The following SUN1 variants were observed in gnomAD, a reference collection of about 807,000 sequenced individuals.
The protein encoded by SUN1 is SUN domain-containing protein 1.
In SUN1, 61 loss-of-function variants were observed where a neutral mutation model predicts 103.2. That is an observed-to-expected ratio of 0.59 (90% CI 0.48 to 0.73). SUN1 has a LOEUF of 0.73. Ranked by LOEUF, SUN1 falls within the 30% of genes least tolerant of loss-of-function variation. SUN1 has a pLI of 0.00. For synonymous variants in SUN1, 490 were observed against 425.7 expected (o/e 1.15, Z -1.86); for missense variants, 1,052 against 1,034.6 (o/e 1.02, Z -0.23).
rs775564962 is a variant in SUN1, at chr7:860,389, C to G, written c.1779+7C>G. On this transcript the variant is annotated splice_region_variant and intron_variant, in intron 14 of 18. Transcript: ENST00000401592. ...GTCTGGAATAACAGAGGCGGTGAGT[C>G]GGCGAGTCGGCGGCAAGAGATGCTT... The G allele has an allele frequency of 3.1e-6, 5 of 1,609,824 alleles. No homozygotes were observed. Among genetic ancestry groups the G allele is most frequent in the Non-Finnish European group, 4.2e-6 (5 of 1,177,174 alleles).
At chr7:822,698 A>G (rs1203739507) in intron 1 of SUN1, among the ~76,000 whole-genome samples, 3 of 152,208 alleles carry the variant, frequency 2.0e-5, no homozygotes, top group South Asian at 2.1e-4. Flanking sequence ...GGTGATCTGG[A>G]CGTGGTGTGG....
chr7:834,248 T>C (rs1800757073), intron 1 of SUN1, among the ~76,000 whole-genome samples: 1 of 151,918 alleles, frequency 6.6e-6, no homozygotes, highest in South Asian at 2.1e-4. Flanking sequence ...GGGCTGGGAA[T>C]TTGGACTCTC....
At chr7:851,332 A>G (rs2128380686) in intron 5 of SUN1, 52 bp from the exon 6 acceptor site, 1 of 1,501,020 alleles carries the variant, frequency 6.7e-7, no homozygotes, top group African/African-American at 1.4e-5. Flanking sequence ...CTGTCACTGC[A>G]GAGGCTGGTC....
intron 7 of SUN1, 143 bp from the exon 8 acceptor site, chr7:852,466 A>G: frequency 2.2e-6 from 2 of 921,446 alleles, no homozygotes; most frequent in Non-Finnish European, 3.4e-6. Flanking sequence ...TGAAGGCATC[A>G]GAAGCCTTGT....
chr7:817,566 T>C (rs913315198), intron 1 of SUN1: 27 of 1,521,142 alleles, frequency 1.8e-5, no homozygotes, highest in Non-Finnish European at 2.4e-5. Flanking sequence ...CTGGCTCTGA[T>C]TCCGGGTGGG....
intron 9 of SUN1, 141 bp from the exon 10 acceptor site, chr7:853,268 C>A: frequency 1.0e-6 from 1 of 961,638 alleles, no homozygotes; most frequent in Non-Finnish European, 1.5e-6. Flanking sequence ...CCTGATACTC[C>A]GGGTTTCTGT....
At chr7:871,134 T>C (rs1444271636) in intron 17 of SUN1, among the ~76,000 whole-genome samples, 1 of 152,088 alleles carries the variant, frequency 6.6e-6, no homozygotes, top group African/African-American at 2.4e-5. Context: ...CAGCCCTCTT[T>C]TTAAAATTTC....
chr7:843,215 A>G lies in SUN1; in HGVS notation c.461A>G (p.Asp154Gly), dbSNP rs200622779. The G allele has an allele frequency of 8.7e-6, 14 of 1,608,252 alleles. No homozygotes were observed. The African/African-American group carries it at 1.5e-4, about 17-fold the overall frequency. The change falls in exon 4 of 19, where the codon GAT becomes GGT. Residue 154 changes from aspartate (D) to glycine (G), a missense_variant. Physicochemically the swap from Asp to Gly is moderately conservative, Grantham distance 94. Around this residue, in one of 2 missense-constraint regions of SUN1, gnomAD observed 846 missense variants for 774.5 expected, o/e 1.09. Coordinates refer to ENST00000401592, the MANE Select transcript of SUN1 (RefSeq NM_001130965.3). ...TTVDHFWGLD[D>G]DGDLKGGNKA... is the part of the protein sequence containing the mutation. ...GTGTTTTTTTTTTTAGGTCTTGATGATGATGGTGATCTTAAAGGTAATTAT... is the reference window on the plus strand; with the variant it reads ...GTGTTTTTTTTTTTAGGTCTTGATGGTGATGGTGATCTTAAAGGTAATTAT...
chr7:852,829 C>T lies in SUN1; in HGVS notation c.930C>T (p.Gly310=). The change falls in exon 9 of 19, where the codon GGC becomes GGT. Residue 310 remains glycine (G), a synonymous_variant. Transcript: ENST00000401592. ...TTTTAGCAGGTCTCTCCTTACGGGG[C>T]CAGGGCAATTTCTTTTCGTTCTTGC... ...FLLLAGLSLR[G]QGNFFSFLPV... The T allele has an allele frequency of 6.2e-7, 1 of 1,613,436 alleles. No homozygotes were observed. Among genetic ancestry groups the T allele is most frequent in the South Asian group, 1.1e-5 (1 of 90,994 alleles).
intron 13 of SUN1, among the ~76,000 whole-genome samples, chr7:859,921 C>T (rs185643907): frequency 2.0e-5 from 3 of 152,254 alleles, no homozygotes; most frequent in East Asian, 1.9e-4. Context: ...ACACATCCCA[C>T]GAGCTCACCT....
At chr7:859,884 T>C (rs1830859662) in intron 13 of SUN1, among the ~76,000 whole-genome samples, 1 of 152,168 alleles carries the variant, frequency 6.6e-6, no homozygotes, top group Non-Finnish European at 1.5e-5. Flanking sequence ...CCCCACTATG[T>C]CCTTCAGCTC....
chr7:837,316 C>T (rs1379045664), intron 1 of SUN1, among the ~76,000 whole-genome samples: 2 of 152,226 alleles, frequency 1.3e-5, no homozygotes, highest in Admixed American at 1.3e-4. Context: ...CAGTCTCAGA[C>T]ACGTGGACTG....
In SUN1 at chr7:857,879, G is replaced by A. The variant is rs1828963060; in HGVS notation, c.1446G>A (p.Leu482=). The A allele has an allele frequency of 3.1e-6, 5 of 1,600,808 alleles. No homozygotes were observed. The highest frequency in any genetic ancestry group is 1.3e-5 in the African/African-American group (1 of 74,806). Residue 482 remains leucine, a synonymous_variant, in exon 13 of 19, where the codon CTG becomes CTA. Transcript: ENST00000401592. ...CAGTCGAGCACCTCCAGCTGGAGCTGGATCAGCTAAAGTCAGAGCTGTCCA... is the reference window on the plus strand; with the variant it reads ...CAGTCGAGCACCTCCAGCTGGAGCTAGATCAGCTAAAGTCAGAGCTGTCCA... ...LPTVEHLQLE[L]DQLKSELSSW...
chr7:866,675 C>A (rs1465554186), intron 16 of SUN1, among the ~76,000 whole-genome samples: 3 of 137,638 alleles, frequency 2.2e-5, no homozygotes, highest in African/African-American at 5.6e-5. Flanking sequence ...CCCGGGCCTT[C>A]GCCCCCACTG....
chr7:850,063 TCGC>T, intron 5 of SUN1: 1 of 1,528,816 alleles, frequency 6.5e-7, no homozygotes, highest in Non-Finnish European at 8.8e-7. Flanking sequence ...CCGTCTCATC[TCGC>T]CCTGTCACCA....
chr7:857,904 A>G lies in SUN1; in HGVS notation c.1471A>G (p.Ser491Gly). The G allele has an allele frequency of 1.9e-6, 3 of 1,603,602 alleles. No individual in the cohort carries two copies. The highest frequency in any genetic ancestry group is 1.7e-6 in the Non-Finnish European group (2 of 1,171,486). The change falls in exon 13 of 19, where the codon AGC (serine) becomes GGC (glycine). Residue 491 changes from serine to glycine, a missense_variant. Physicochemically the swap from Ser to Gly is moderately conservative, Grantham distance 56 (BLOSUM62 0). This residue lies in a region of SUN1 where 846 missense variants were observed against 774.5 expected (regional missense o/e 1.09). Transcript: ENST00000401592. Reference protein sequence around the residue: ...ELDQLKSELSSWRHVKTGCET... With the variant: ...ELDQLKSELSGWRHVKTGCET... ...GGATCAGCTAAAGTCAGAGCTGTCC[A>G]GCTGGCGACACGTGAAGACCGGCTG...
chr7:848,659 T>A (rs575658775), intron 5 of SUN1: 1 of 1,271,802 alleles, frequency 7.9e-7, no homozygotes, highest in Non-Finnish European at 1.0e-6. Flanking sequence ...AATCACACTT[T>A]CGCAGTGGAG....
rs539058781 is a variant in SUN1 at position 843,484 on chromosome 7, G to A, written c.622G>A (p.Val208Met). The change falls in exon 5 of 19, where the codon GTG becomes ATG. Residue 208 changes from valine to methionine, a missense_variant. This residue lies in a region of SUN1 where 846 missense variants were observed against 774.5 expected (regional missense o/e 1.09). Transcript: ENST00000401592. Reference sequence around the variant, plus strand: ...GGCGCACCCCGCGGCCCCCGGGCCCGTGTCGAGAGTTTATTCTAGGGACAG... The same window carrying A: ...GGCGCACCCCGCGGCCCCCGGGCCCATGTCGAGAGTTTATTCTAGGGACAG... ...LTAHPAAPGP[V>M]SRVYSRDRNQ... 100 of 1,613,970 alleles carry A rather than the reference G, an allele frequency of 6.2e-5. No individual in the cohort carries two copies. Among genetic ancestry groups the A allele is most frequent in the South Asian group, 7.7e-5 (7 of 91,092 alleles).
intron 5 of SUN1, 100 bp from the exon 6 acceptor site, chr7:851,284 G>C: frequency 3.0e-6 from 3 of 1,001,330 alleles, no homozygotes; most frequent in Admixed American, 2.2e-5. Flanking sequence ...ACCGATGCAG[G>C]CTTTGGTGAA....
Sources: allele counts gnomAD v4.1 joint callset (sites outside exome capture counted in the v4.1 genomes callset), GRCh38; gene constraint gnomAD v4.1.1; regional missense constraint gnomAD v4.1.1; transcripts MANE v1.5; gene names NCBI Gene and HGNC (gene_info 2026-07-23, HGNC 2026-07-21).